NCOA1: variants seen among roughly 807,000 people sequenced by gnomAD.
NCOA1 encodes nuclear receptor coactivator 1.
In NCOA1, 35 loss-of-function variants were observed where a neutral mutation model predicts 150.9. The ratio of observed to expected loss-of-function variants is 0.23; its 90% confidence interval spans 0.18 to 0.31. The LOEUF (loss-of-function observed/expected upper bound fraction) is 0.31, where lower values mean the gene tolerates loss of function less well. Ranked by LOEUF, NCOA1 falls within the 10% of genes least tolerant of loss-of-function variation. The probability of loss-of-function intolerance (pLI) is 1.00; values close to 1 mark genes in which losing one functional copy is unlikely to be tolerated. For synonymous variants in NCOA1, 590 were observed against 630.0 expected, an observed-to-expected ratio of 0.94 and a Z score of 0.95; for missense variants, 1,491 against 1,749.3, an observed-to-expected ratio of 0.85 and a Z score of 2.63.
chr2:24,547,406 T>C (rs1443200169), intron 1 of NCOA1, among the ~76,000 whole-genome samples: 1 of 152,206 alleles, frequency 6.6e-6, no homozygotes, highest in Non-Finnish European at 1.5e-5. Context: ...TTCCAAAACA[T>C]CTTTGCTTAG....
intron 1 of NCOA1, among the ~76,000 whole-genome samples, chr2:24,501,507 A>G (rs1663460016): frequency 6.6e-6 from 1 of 152,212 alleles, no homozygotes; most frequent in African/African-American, 2.4e-5. Flanking sequence ...AAATTTGTTT[A>G]CTTGCTATAA....
chr2:24,668,085 A>G (rs1671511325), intron 6 of NCOA1, among the ~76,000 whole-genome samples: 1 of 152,182 alleles, frequency 6.6e-6, no homozygotes, highest in South Asian at 2.1e-4. Context: ...CTTTCAATGC[A>G]TATTTGTTGA....
At chr2:24,599,331 A>G (rs141413076) in intron 3 of NCOA1, among the ~76,000 whole-genome samples, 1 of 152,324 alleles carries the variant, frequency 6.6e-6, no homozygotes, top group African/African-American at 2.4e-5. Context: ...TTATTCTACT[A>G]GGGGAAACTG....
At chr2:24,642,037 T>TGTGTGTGTGTGTGTGCGTGCGCGC (rs942145000) in intron 3 of NCOA1, among the ~76,000 whole-genome samples, 1 of 138,452 alleles carries the variant, frequency 7.2e-6, no homozygotes, top group Non-Finnish European at 1.6e-5. Flanking sequence ...TGTGTGTGTG[T>TGTGTGTGTGTGTGTGCGTGCGCGC]GCGCGCGTGC....
intron 17 of NCOA1, among the ~76,000 whole-genome samples, chr2:24,739,201 A>T (rs923373406): frequency 1.3e-5 from 2 of 152,060 alleles, no homozygotes; most frequent in African/African-American, 2.4e-5. Flanking sequence ...GCTGGAGTGC[A>T]GTGTGTTTGT....
chr2:24,578,298 G>A (rs1439217757), intron 2 of NCOA1, among the ~76,000 whole-genome samples: 1 of 152,092 alleles, frequency 6.6e-6, no homozygotes, highest in South Asian at 2.1e-4. Context: ...ATATGCAAAT[G>A]TTATGGTTGA....
intron 1 of NCOA1, among the ~76,000 whole-genome samples, chr2:24,492,432 A>G (rs1219009938): frequency 6.6e-6 from 1 of 152,100 alleles, no homozygotes; most frequent in African/African-American, 2.4e-5. Context: ...CTGCTTTTTT[A>G]TTTTATTTAA....
At chr2:24,686,234 C>T (rs1672398210) in intron 8 of NCOA1, among the ~76,000 whole-genome samples, 1 of 152,086 alleles carries the variant, frequency 6.6e-6, no homozygotes, top group South Asian at 2.1e-4. Context: ...ATCTCCTGAT[C>T]TCAGGTGATC....
At chr2:24,698,949 G>GT (rs1673029079) in intron 11 of NCOA1, among the ~76,000 whole-genome samples, 1 of 152,096 alleles carries the variant, frequency 6.6e-6, no homozygotes, top group Admixed American at 6.5e-5. Context: ...GTACAGACTA[G>GT]TGGTTCTCTA....
chr2:24,721,200 A>G (rs1032904522), intron 14 of NCOA1, among the ~76,000 whole-genome samples: 1 of 152,184 alleles, frequency 6.6e-6, no homozygotes, highest in South Asian at 2.1e-4. Context: ...TAAGATTTCT[A>G]AACATTCTTT....
chr2:24,664,043 G>GT (rs1671303749), intron 5 of NCOA1, among the ~76,000 whole-genome samples: 1 of 152,176 alleles, frequency 6.6e-6, no homozygotes, highest in African/African-American at 2.4e-5. Context: ...ATATCAATTA[G>GT]TTTCTCTAAG....
chr2:24,503,055 AAT>A (rs1663531579), intron 1 of NCOA1, among the ~76,000 whole-genome samples: 1 of 152,212 alleles, frequency 6.6e-6, no homozygotes, highest in African/African-American at 2.4e-5. Flanking sequence ...TAGATATTAC[AAT>A]ATTTGTCAAG....
chr2:24,555,177 A>G (rs1666023848), intron 1 of NCOA1, among the ~76,000 whole-genome samples: 3 of 152,168 alleles, frequency 2.0e-5, no homozygotes, highest in Admixed American at 6.5e-5. Flanking sequence ...TTTTCACTCA[A>G]TTAAAAGTAT....
chr2:24,533,150 C>T (rs1014928842), intron 1 of NCOA1, among the ~76,000 whole-genome samples: 5 of 152,076 alleles, frequency 3.3e-5, no homozygotes, highest in African/African-American at 1.2e-4. Flanking sequence ...TGTAGTTGTC[C>T]TTGAAGAGGT....
chr2:24,531,749 T>A (rs1664911033), intron 1 of NCOA1, among the ~76,000 whole-genome samples: 2 of 152,182 alleles, frequency 1.3e-5, no homozygotes, highest in African/African-American at 4.8e-5. Context: ...GAATGATGGT[T>A]TACACCTTCA....
chr2:24,606,925 T>C (rs183252187), intron 3 of NCOA1, among the ~76,000 whole-genome samples: 7 of 152,346 alleles, frequency 4.6e-5, no homozygotes, highest in African/African-American at 1.7e-4. Context: ...GAGCAATGCA[T>C]AACTTCTCAA....
In NCOA1 at chr2:24,601,493, C is replaced by G. The variant is rs141038164; in HGVS notation, c.-175+16933C>G. On this transcript the variant is annotated intron_variant, in intron 3 of 22. Transcript: ENST00000348332. ...GCCTCCCAAAGTGCTGGGATTACAG[C>G]CATGAGCCACTGCATCTGGTCAGAT... Among the ~76,000 whole-genome samples the G allele has an allele frequency of 1.2e-3, 179 of 150,844 alleles. 2 individuals are homozygous for G. Among genetic ancestry groups the G allele is most frequent in the Admixed American group, 7.2e-3 (110 of 15,180 alleles).
chr2:24,495,951 A>G (rs956535688), intron 1 of NCOA1, among the ~76,000 whole-genome samples: 5 of 152,182 alleles, frequency 3.3e-5, no homozygotes, highest in Non-Finnish European at 5.9e-5. Context: ...TCATCACCAA[A>G]TTCTCGCATT....
At chr2:24,611,910 T>C (rs1360309437) in intron 3 of NCOA1, among the ~76,000 whole-genome samples, 1 of 152,202 alleles carries the variant, frequency 6.6e-6, no homozygotes, top group Non-Finnish European at 1.5e-5. Context: ...TTTAAACCGT[T>C]TACATTCACA....
Sources: gnomAD v4.1 joint callset for allele counts (sites outside exome capture counted in the v4.1 genomes callset) on GRCh38, gnomAD v4.1.1 for gene constraint, MANE v1.5 for transcripts, NCBI Gene and HGNC (gene_info 2026-07-23, HGNC 2026-07-21) for gene names.